The following COX7A2L variants were observed in gnomAD, a reference collection of about 807,000 sequenced individuals.
COX7A2L encodes the protein cytochrome c oxidase subunit 7A2-like, mitochondrial.
A neutral mutation model predicts 14.2 loss-of-function variants in COX7A2L; 18 were observed. The ratio of observed to expected loss-of-function variants is 1.27; its 90% CI spans 0.88 to 1.88. The LOEUF (loss-of-function observed/expected upper bound fraction) is 1.88, where lower values mean the gene tolerates loss of function less well. Ranked by LOEUF, COX7A2L falls within the 40% of genes most tolerant of loss-of-function variation. The pLI, the probability that COX7A2L is intolerant of heterozygous loss-of-function variation, is 0.00. For synonymous variants in COX7A2L, 65 were observed against 57.4 expected (o/e 1.13, Z -0.60); for missense variants, 179 against 138.8 (o/e 1.29, Z -1.46).
chr2:42,364,168 G>A (rs896334025), upstream of COX7A2L, among the ~76,000 whole-genome samples: 2 of 150,816 alleles, frequency 1.3e-5, no homozygotes, highest in Admixed American at 6.6e-5. Context: ...GGAGAATGGC[G>A]TGAACCCGGG....
In COX7A2L at chr2:42,353,261, T is replaced by C. The variant is rs1670704670; in HGVS notation, c.155A>G (p.Tyr52Cys). Reference sequence around the variant, plus strand: ...AACTTTGTTTTTCCCAGCATAATCATACACTGTGGAATCGGAGGTCAGTTT... The same window carrying C: ...AACTTTGTTTTTCCCAGCATAATCACACACTGTGGAATCGGAGGTCAGTTT... ...PTKLTSDSTV[Y>C]DYAGKNKVPE... The change falls in exon 2 of 3, where the codon TAT becomes TGT. Residue 52 changes from tyrosine to cysteine, a missense_variant. Transcript: ENST00000234301. The C allele has an allele frequency of 1.9e-6, 3 of 1,614,174 alleles. No individual in the cohort carries two copies. Among genetic ancestry groups the C allele is most frequent in the East Asian group, 2.2e-5 (1 of 44,888 alleles).
chr2:42,346,129 A>G (rs1178845794), downstream of COX7A2L, among the ~76,000 whole-genome samples: 1 of 152,172 alleles, frequency 6.6e-6, no homozygotes, highest in Non-Finnish European at 1.5e-5. Context: ...CCAGTGGAGG[A>G]CACCTCACCC....
intron 1 of COX7A2L, among the ~76,000 whole-genome samples, chr2:42,358,194 C>G (rs565979674): frequency 6.6e-6 from 1 of 152,316 alleles, no homozygotes; most frequent in South Asian, 2.1e-4. Context: ...CTGGTGGATA[C>G]TAAATGGTAC....
At chr2:42,340,611 C>T (rs1438155907) in intron 2 of COX7A2L, among the ~76,000 whole-genome samples, 1 of 152,090 alleles carries the variant, frequency 6.6e-6, no homozygotes, top group African/African-American at 2.4e-5. Flanking sequence ...TTCTCCCCGA[C>T]CCCCCAGGCG....
At chr2:42,337,730 G>A (rs1158976127) in intron 2 of COX7A2L, among the ~76,000 whole-genome samples, 1 of 152,198 alleles carries the variant, frequency 6.6e-6, no homozygotes, top group African/African-American at 2.4e-5. Context: ...CTTCCTCAGA[G>A]TCTCAAAATA....
At position 42,339,019 on chromosome 2, in the gene COX7A2L, G is replaced by A. The variant is rs751441376; in HGVS notation, c.193-5150C>T. ...GCTGGAGCCTGCATCACAGTCACCC[G>A]TGTTTGCACTGGAAGCCATGGGCAA... is the stretch of plus-strand genomic sequence containing the variant. On this transcript the variant is annotated intron_variant, in intron 2 of 2. Transcript: ENST00000468711. The surrounding 1 kb of genome is among the most constrained non-coding windows in gnomAD (Gnocchi z 5.4). Among the ~76,000 whole-genome samples the A allele has an allele frequency of 3.3e-5, 5 of 152,172 alleles. No homozygotes were observed. Among genetic ancestry groups the A allele is most frequent in the Non-Finnish European group, 7.3e-5 (5 of 68,030 alleles).
chr2:42,367,956 C>T (rs999342250), intron 1 of COX7A2L, among the ~76,000 whole-genome samples: 1 of 152,232 alleles, frequency 6.6e-6, no homozygotes, highest in African/African-American at 2.4e-5. Flanking sequence ...ATAACCACAT[C>T]TATTTTAATT....
At chr2:42,365,973 A>T (rs945636863), upstream of COX7A2L, 1 of 152,232 alleles carries the variant, frequency 6.6e-6, no homozygotes, top group Non-Finnish European at 1.5e-5. Flanking sequence ...CTGGGTAGTT[A>T]CTTACATTAG....
chr2:42,365,826 G>C (rs1026260529), upstream of COX7A2L: 1 of 152,178 alleles, frequency 6.6e-6, no homozygotes, highest in African/African-American at 2.4e-5. Flanking sequence ...TGACTAAAGG[G>C]CCATTCTGCC....
rs1670338723 is a variant in COX7A2L, at chr2:42,338,697, C to A, written c.193-4828G>T. On this transcript the variant is annotated intron_variant, in intron 2 of 2. Transcript: ENST00000468711. This position sits in a 1 kb window ranked among gnomAD's most constrained non-coding sequence, Gnocchi z 4.4. The stretch of plus-strand genomic sequence containing the variant: ...GTCGAGGGGCCAGTGAGGAATCTGA[C>A]AGCAGGACTCTAACCACTGGCTACG... 6.6e-6 allele frequency among the ~76,000 whole-genome samples: 1 copy of A among 152,180 alleles called. No individual in the cohort carries two copies. Among genetic ancestry groups the A allele is most frequent in the Non-Finnish European group, 1.5e-5 (1 of 68,038 alleles).
In COX7A2L at chr2:42,351,134, TA is replaced by T. The variant is rs568475280; in HGVS notation, c.*84del. 0.013 allele frequency: 14,526 copies of T among 1,135,392 alleles called. No individual in the cohort carries two copies. The highest frequency in any genetic ancestry group is 0.022 in the South Asian group (1,174 of 54,592). The allele number at this position is 1,135,392 out of a possible 1,614,324, so 70.3% of individuals were successfully genotyped here. A position where few individuals can be genotyped will look rare whatever the true frequency, so the allele number is the denominator to read the frequency against. On this transcript the variant is annotated 3_prime_UTR_variant, in exon 3 of 3. Transcript: ENST00000234301. Reference sequence around the variant, plus strand: ...TTGCAAAAATGTTAAGCCATCCAAGTAAAAAAAAAAATTTTAATTTAACAAT... The same window carrying T: ...TTGCAAAAATGTTAAGCCATCCAAGTAAAAAAAAAATTTTAATTTAACAAT...
At chr2:42,368,074 G>C (rs1377345483) in intron 1 of COX7A2L, among the ~76,000 whole-genome samples, 1 of 152,226 alleles carries the variant, frequency 6.6e-6, no homozygotes, top group African/African-American at 2.4e-5. Context: ...ACAGATGTCA[G>C]GAATGCAGAG....
At chr2:42,367,391 C>A (rs1671184885) in intron 1 of COX7A2L, among the ~76,000 whole-genome samples, 1 of 152,154 alleles carries the variant, frequency 6.6e-6, no homozygotes, top group African/African-American at 2.4e-5. Context: ...CAAGGCCTGC[C>A]AAGTGATTCC....
downstream of COX7A2L, among the ~76,000 whole-genome samples, chr2:42,344,567 C>T (rs180977911): frequency 3.3e-5 from 5 of 152,240 alleles, no homozygotes; most frequent in African/African-American, 9.6e-5. Flanking sequence ...TAGAATGCGT[C>T]GCAGGCCCGG....
At chr2:42,363,516 T>C (rs1671102355), upstream of COX7A2L, among the ~76,000 whole-genome samples, 1 of 152,186 alleles carries the variant, frequency 6.6e-6, no homozygotes, top group Non-Finnish European at 1.5e-5. Flanking sequence ...CCATCTGATT[T>C]TAGATCCTGC....
At position 42,338,399 on chromosome 2, in the gene COX7A2L, A is replaced by T. The variant is rs933760401; in HGVS notation, c.193-4530T>A. ...CACTCTCTAGCAGAGCCCTCCCAAGACTGCCGCAGAACTGAGATGAGGTGA... is the reference window on the plus strand; with the variant it reads ...CACTCTCTAGCAGAGCCCTCCCAAGTCTGCCGCAGAACTGAGATGAGGTGA... On this transcript the variant is annotated intron_variant, in intron 2 of 2. Transcript: ENST00000468711. The surrounding 1 kb of genome is among the most constrained non-coding windows in gnomAD (Gnocchi z 4.4). Among the ~76,000 whole-genome samples, 2 of 152,082 alleles carry T rather than the reference A, an allele frequency of 1.3e-5. No individual in the cohort carries two copies. The highest frequency in any genetic ancestry group is 2.9e-5 in the Non-Finnish European group (2 of 68,002).
At chr2:42,341,720 CAACTT>C (rs1670407038) in intron 2 of COX7A2L, among the ~76,000 whole-genome samples, 1 of 152,186 alleles carries the variant, frequency 6.6e-6, no homozygotes, top group Non-Finnish European at 1.5e-5. Flanking sequence ...CTGTGTAACT[CAACTT>C]TAATTAGAAT....
chr2:42,344,027 G>A (rs1670449154), intron 2 of COX7A2L, among the ~76,000 whole-genome samples: 1 of 152,152 alleles, frequency 6.6e-6, no homozygotes. Context: ...AGTGGGCACT[G>A]CTTTACAAGG....
upstream of COX7A2L, among the ~76,000 whole-genome samples, chr2:42,363,184 T>G (rs1435217776): frequency 6.6e-6 from 1 of 152,036 alleles, no homozygotes; most frequent in Non-Finnish European, 1.5e-5. Flanking sequence ...GCCCACCCCA[T>G]GTTTTGATAC....
Sources: allele counts gnomAD v4.1 joint callset (sites outside exome capture counted in the v4.1 genomes callset), GRCh38; gene constraint gnomAD v4.1.1; non-coding constraint Gnocchi (gnomAD v3.1); transcripts MANE v1.5; gene names NCBI Gene and HGNC (gene_info 2026-07-23, HGNC 2026-07-21).